The following BMP3 variants were observed in gnomAD, a reference collection of about 807,000 sequenced individuals.
BMP3 encodes bone morphogenetic protein 3.
A neutral mutation model predicts 38.1 loss-of-function variants in BMP3; 23 were observed. The ratio of observed to expected loss-of-function variants is 0.60; its 90% confidence interval spans 0.43 to 0.86. The LOEUF (loss-of-function observed/expected upper bound fraction) is 0.86. BMP3 is among the 40% of genes least tolerant of loss of function. The probability of loss-of-function intolerance (pLI) is 0.00; values close to 1 mark genes in which losing one functional copy is unlikely to be tolerated. For missense variants in BMP3, 628 were observed against 579.6 expected, an observed-to-expected ratio of 1.08 and a Z score of -0.86; for synonymous variants, 258 against 225.7, an observed-to-expected ratio of 1.14 and a Z score of -1.28.
intron 2 of BMP3, among the ~76,000 whole-genome samples, chr4:81,047,550 A>AAG (rs1471126193): frequency 7.6e-4 from 1 of 1,324 alleles, no homozygotes. Context: ...CTGTTATACC[A>AAG]AAAAAAAAAA....
At chr4:81,047,282 C>G (rs112428065) in intron 2 of BMP3, among the ~76,000 whole-genome samples, 1 of 152,126 alleles carries the variant, frequency 6.6e-6, no homozygotes, top group Admixed American at 6.6e-5. Flanking sequence ...TAATTTCAAC[C>G]TTTCGGAGCT....
At chr4:81,044,233 T>C (rs532551433) in intron 1 of BMP3, among the ~76,000 whole-genome samples, 17 of 152,296 alleles carry the variant, frequency 1.1e-4, no homozygotes, top group African/African-American at 3.6e-4. Context: ...TAGGAATAAG[T>C]CTTGACAATC....
chr4:81,053,002 G>C (rs1740437064), intron 2 of BMP3, among the ~76,000 whole-genome samples: 1 of 152,048 alleles, frequency 6.6e-6, no homozygotes, highest in African/African-American at 2.4e-5. Flanking sequence ...AATGATTCTT[G>C]CTGAGATAAC....
In BMP3 at chr4:81,038,301, T is replaced by A. The variant is rs375560048; in HGVS notation, c.316+6701T>A. 1.8e-3 allele frequency among the ~76,000 whole-genome samples: 273 copies of A among 152,304 alleles called. 1 individual carries two copies. The highest frequency in any genetic ancestry group is 6.0e-3 in the Admixed American group (92 of 15,300). On this transcript the variant is annotated intron_variant, in intron 1 of 2. Transcript: ENST00000282701. Reference sequence around the variant, plus strand: ...TAGCTGCAGAGAGTTTATGATATAATAAATTTGCTAGAAGAAAAATATGGT... The same window carrying A: ...TAGCTGCAGAGAGTTTATGATATAAAAAATTTGCTAGAAGAAAAATATGGT...
At chr4:81,044,535 C>T (rs75098885) in intron 1 of BMP3, among the ~76,000 whole-genome samples, 6,642 of 152,218 alleles carry the variant, frequency 0.044, 479 homozygotes, top group African/African-American at 0.15. Flanking sequence ...AGTTAATACC[C>T]TCACAATGTT....
Position 81,053,565 on chromosome 4 carries a change from A to T in BMP3, c.*29A>T. On this transcript the variant is annotated 3_prime_UTR_variant, in exon 3 of 3. Transcript: ENST00000282701. Reference sequence around the variant, plus strand: ...GGCAAAGAACTCATTTGAATGCTTAATTCAATCATTAGTTTATTTTTATGG... The same window carrying T: ...GGCAAAGAACTCATTTGAATGCTTATTTCAATCATTAGTTTATTTTTATGG... The T allele has an allele frequency of 8.0e-7, 1 of 1,247,130 alleles. No homozygotes were observed. The highest frequency in any genetic ancestry group is 2.9e-5 in the East Asian group (1 of 34,516). 77.3% of individuals were successfully genotyped at this position (1,247,130 alleles called of 1,614,324 possible). A position where few individuals can be genotyped will look rare whatever the true frequency, so the allele number is the denominator to read the frequency against.
intron 1 of BMP3, among the ~76,000 whole-genome samples, chr4:81,032,212 A>AAAC (rs760190795): frequency 6.9e-6 from 1 of 145,446 alleles, no homozygotes; most frequent in Non-Finnish European, 1.5e-5. Flanking sequence ...AAAAAAAAAA[A>AAAC]AAAAAAAACA....
rs1347317370 is a variant in BMP3, at chr4:81,055,832, T to G, written c.*2296T>G. The G allele has an allele frequency of 6.6e-6, 1 of 152,174 alleles. No individual in the cohort carries two copies. Among genetic ancestry groups the G allele is most frequent in the Admixed American group, 6.6e-5 (1 of 15,266 alleles). 9.4% of individuals were successfully genotyped at this position (152,174 alleles called of 1,614,324 possible). A position where few individuals can be genotyped will look rare whatever the true frequency, so the allele number is the denominator to read the frequency against. On this transcript the variant is annotated 3_prime_UTR_variant, in exon 3 of 3. Coordinates refer to ENST00000282701, the MANE Select transcript of BMP3 (RefSeq NM_001201.5). ...GTACTAACTAGTTAAGATTATATTT[T>G]AAGTAGCAATTGATATAAAATTACA... is the stretch of plus-strand genomic sequence containing the variant.
At chr4:81,049,636 C>G (rs190902825) in intron 2 of BMP3, among the ~76,000 whole-genome samples, 1 of 152,122 alleles carries the variant, frequency 6.6e-6, no homozygotes, top group Non-Finnish European at 1.5e-5. Context: ...TCCCTTTAAG[C>G]CTTCCACGCC....
chr4:81,046,062 A>G lies in BMP3; in HGVS notation c.641A>G (p.Glu214Gly), dbSNP rs528914843. The G allele has an allele frequency of 1.2e-5, 19 of 1,614,064 alleles. No individual in the cohort carries two copies. In the South Asian group the frequency reaches 1.9e-4, roughly 16 times the overall value. Residue 214 changes from glutamate (E) to glycine (G), a missense_variant, in exon 2 of 3, where the codon GAG becomes GGG. Coordinates refer to ENST00000282701, the MANE Select transcript of BMP3 (RefSeq NM_001201.5). ...TTGAGGAAGGCCAAAGAAAATGAAG[A>G]GTTCCTCATAGGATTTAACATTACG... ...QLLRKAKENEEFLIGFNITSK... is the reference protein window; with the variant it reads ...QLLRKAKENEGFLIGFNITSK...
At chr4:81,035,522 T>A (rs1228271433) in intron 1 of BMP3, among the ~76,000 whole-genome samples, 1 of 152,044 alleles carries the variant, frequency 6.6e-6, no homozygotes, top group Non-Finnish European at 1.5e-5. Flanking sequence ...GACATGAATA[T>A]CAAATCTGCT....
intron 1 of BMP3, among the ~76,000 whole-genome samples, 198 bp downstream of exon 1, chr4:81,031,798 T>C (rs1168756395): frequency 6.6e-6 from 1 of 152,106 alleles, no homozygotes; most frequent in Non-Finnish European, 1.5e-5. Flanking sequence ...AGCCCAGTTT[T>C]CAAATCCAAA....
rs1029238816 is a variant in BMP3, at chr4:81,031,746, C to T, written c.316+146C>T. 57 of 1,002,112 alleles carry T rather than the reference C, an allele frequency of 5.7e-5. No individual in the cohort carries two copies. In the African/African-American group the frequency reaches 6.3e-4, roughly 11 times the overall value. The allele number at this position is 1,002,112 out of a possible 1,614,324, so 62.1% of individuals were successfully genotyped here. A position where few individuals can be genotyped will look rare whatever the true frequency, so the allele number is the denominator to read the frequency against. On this transcript the variant is annotated intron_variant, in intron 1 of 2. Coordinates refer to ENST00000282701, the MANE Select transcript of BMP3 (RefSeq NM_001201.5). ...TCCTCAGCTGCCCTCTGGATTCCTC[C>T]GTCCAGTCACACCCCGCGTGTCGCC...
rs779256744 is a variant in BMP3, at chr4:81,037,368, T to C, written c.316+5768T>C. The C allele has an allele frequency of 9.4e-5, 25 of 267,312 alleles. No homozygotes were observed. The Admixed American group carries it at 1.1e-3, about 12-fold the overall frequency. The allele number at this position is 267,312 out of a possible 1,614,324, so 16.6% of individuals were successfully genotyped here. A position where few individuals can be genotyped will look rare whatever the true frequency, so the allele number is the denominator to read the frequency against. On this transcript the variant is annotated intron_variant, in intron 1 of 2. Coordinates refer to ENST00000282701, the MANE Select transcript of BMP3 (RefSeq NM_001201.5). ...GGTTTTCAAGTAGAGAAAAGATTAT[T>C]AGTGTTTTGTTTTTTCTATTACCTA...
In BMP3 at chr4:81,045,631, G is replaced by A; in HGVS notation, c.317-107G>A. 4 of 979,246 alleles carry A rather than the reference G, an allele frequency of 4.1e-6. No homozygotes were observed. The South Asian group carries it at 9.0e-5, about 22-fold the overall frequency. The allele number at this position is 979,246 out of a possible 1,614,324, so 60.7% of individuals were successfully genotyped here. ...TAGGTTTCTTTCCAAAAATTTCATG[G>A]ATTTAGTTCTTATATATAGGTTTCT... On this transcript the variant is annotated intron_variant, in intron 1 of 2. Transcript: ENST00000282701.
chr4:81,036,500 A>G (rs1176100983), intron 1 of BMP3, among the ~76,000 whole-genome samples: 1 of 152,080 alleles, frequency 6.6e-6, no homozygotes, highest in Admixed American at 6.5e-5. Flanking sequence ...CTAAATTTGT[A>G]TATACTAATA....
chr4:81,038,884 G>A (rs1013368805), intron 1 of BMP3, among the ~76,000 whole-genome samples: 2 of 152,182 alleles, frequency 1.3e-5, no homozygotes, highest in African/African-American at 2.4e-5. Flanking sequence ...CACAGTCTAG[G>A]AATGCCTTTG....
chr4:81,031,257 A>G lies in BMP3; in HGVS notation c.-28A>G. ...CGGAGTGTCCCGCAGCGACGCCGGG[A>G]GCCGACGCGCCGCGCGGGTACCTAG... On this transcript the variant is annotated 5_prime_UTR_variant, in exon 1 of 3. Coordinates refer to ENST00000282701, the MANE Select transcript of BMP3 (RefSeq NM_001201.5). 6.4e-7 allele frequency: 1 copy of G among 1,552,774 alleles called. No homozygotes were observed. Among genetic ancestry groups the G allele is most frequent in the Non-Finnish European group, 8.7e-7 (1 of 1,149,484 alleles).
chr4:81,045,576 G>A (rs577757613), intron 1 of BMP3, among the ~76,000 whole-genome samples, 162 bp from the exon 2 acceptor site: 64 of 152,218 alleles, frequency 4.2e-4, no homozygotes, highest in African/African-American at 1.4e-3. Flanking sequence ...AGAAGTCATT[G>A]CCAAATTCAA....
Sources: gnomAD v4.1 joint callset for allele counts (sites outside exome capture counted in the v4.1 genomes callset) on GRCh38, gnomAD v4.1.1 for gene constraint, MANE v1.5 for transcripts, NCBI Gene and HGNC (gene_info 2026-07-23, HGNC 2026-07-21) for gene names.